The following PLD5 variants were observed in gnomAD, a reference collection of about 807,000 sequenced individuals.
PLD5 encodes phospholipase D family member 5.
PLD5 carries 36 observed loss-of-function variants against 61.1 expected under a neutral mutation model. That is an observed-to-expected ratio of 0.59 (90% CI 0.45 to 0.78). The LOEUF is 0.78. PLD5 is among the 30% of genes least tolerant of loss of function. The pLI is 0.00. For missense variants in PLD5, 515 were observed against 644.4 expected (o/e 0.80, Z 2.17); for synonymous variants, 243 against 242.8 (o/e 1.00, Z -0.01).
intron 3 of PLD5, among the ~76,000 whole-genome samples, chr1:242,267,661 C>G (rs1294106769): frequency 6.6e-6 from 1 of 151,244 alleles, no homozygotes; most frequent in African/African-American, 2.4e-5. Flanking sequence ...GGAAGAATCA[C>G]TTGACCCCAG....
At chr1:242,374,171 A>G (rs766004416) in intron 1 of PLD5, among the ~76,000 whole-genome samples, 1 of 152,148 alleles carries the variant, frequency 6.6e-6, no homozygotes, top group Non-Finnish European at 1.5e-5. Flanking sequence ...TTGCATGTCA[A>G]TTCTTTGTGC....
intron 5 of PLD5, among the ~76,000 whole-genome samples, chr1:242,169,229 A>G (rs552508310): frequency 1.1e-4 from 16 of 152,224 alleles, no homozygotes; most frequent in Admixed American, 4.6e-4. Flanking sequence ...TGCATTTCCA[A>G]CTGAGGTACC....
At chr1:242,161,953 A>T (rs1320399913) in intron 5 of PLD5, among the ~76,000 whole-genome samples, 2 of 152,188 alleles carry the variant, frequency 1.3e-5, no homozygotes, top group East Asian at 3.8e-4. Flanking sequence ...GGAACAACAG[A>T]CACAGCTGTT....
intron 1 of PLD5, among the ~76,000 whole-genome samples, chr1:242,425,063 C>G (rs1030667232): frequency 6.6e-6 from 1 of 152,146 alleles, no homozygotes; most frequent in Non-Finnish European, 1.5e-5. Flanking sequence ...ACCCAGGAGG[C>G]AGAGGTTGCA....
At chr1:242,240,666 C>A (rs410287) in intron 4 of PLD5, among the ~76,000 whole-genome samples, 106,446 of 151,890 alleles carry the variant, frequency 0.7, 37,881 homozygotes, top group African/African-American at 0.82. Flanking sequence ...TTAAGGACAG[C>A]GGGAAAATGT....
At chr1:242,116,649 A>G (rs865990805) in intron 6 of PLD5, among the ~76,000 whole-genome samples, 12 of 151,414 alleles carry the variant, frequency 7.9e-5, no homozygotes, top group Middle Eastern at 3.4e-3. Context: ...TCCCACTTAT[A>G]AGTGAGAACA....
At chr1:242,504,118 C>T (rs1250978955) in intron 1 of PLD5, among the ~76,000 whole-genome samples, 3 of 151,984 alleles carry the variant, frequency 2.0e-5, no homozygotes, top group African/African-American at 7.3e-5. Flanking sequence ...AAAAAATGTA[C>T]CTACCAGAAA....
chr1:242,344,390 G>A (rs1660013494), intron 2 of PLD5, among the ~76,000 whole-genome samples: 1 of 152,106 alleles, frequency 6.6e-6, no homozygotes, highest in Non-Finnish European at 1.5e-5. Flanking sequence ...CTCCCTTGTG[G>A]CAGCAAGCTC....
At chr1:242,246,478 A>AACACACACAC (rs34723926) in intron 4 of PLD5, among the ~76,000 whole-genome samples, 9,298 of 141,076 alleles carry the variant, frequency 0.066, 329 homozygotes, top group Admixed American at 0.082. Context: ...TAGAAAAGAC[A>AACACACACAC]ACACACACAC....
chr1:242,156,652 T>A (rs1415401493), intron 5 of PLD5, among the ~76,000 whole-genome samples: 1 of 152,170 alleles, frequency 6.6e-6, no homozygotes, highest in Non-Finnish European at 1.5e-5. Context: ...TTGAAAATTA[T>A]TTTCTTTAAG....
intron 1 of PLD5, among the ~76,000 whole-genome samples, chr1:242,448,714 C>T (rs1399935864): frequency 1.3e-5 from 2 of 152,168 alleles, no homozygotes; most frequent in African/African-American, 4.8e-5. Flanking sequence ...CTCACGTTTA[C>T]GTTAAGGATC....
intron 5 of PLD5, among the ~76,000 whole-genome samples, chr1:242,195,992 C>T (rs146194696): frequency 3.7e-4 from 56 of 151,858 alleles, no homozygotes; most frequent in African/African-American, 1.2e-3. Context: ...GGGGGATGGA[C>T]GGAAATAAAT....
At chr1:242,409,332 A>T (rs2149286894) in intron 1 of PLD5, among the ~76,000 whole-genome samples, 1 of 152,332 alleles carries the variant, frequency 6.6e-6, no homozygotes, top group East Asian at 1.9e-4. Flanking sequence ...GAACTAGATG[A>T]TTCTTGAAGC....
At chr1:242,502,530 C>T (rs1668586058) in intron 1 of PLD5, among the ~76,000 whole-genome samples, 1 of 152,156 alleles carries the variant, frequency 6.6e-6, no homozygotes, top group Non-Finnish European at 1.5e-5. Context: ...ACATGCAACA[C>T]TGTTAAATAA....
At chr1:242,154,662 G>A (rs1235835194) in intron 5 of PLD5, among the ~76,000 whole-genome samples, 1 of 152,086 alleles carries the variant, frequency 6.6e-6, no homozygotes, top group South Asian at 2.1e-4. Context: ...ATTTGTGTAT[G>A]TTGAACCAGT....
chr1:242,188,658 C>T (rs998849264), intron 5 of PLD5: 2 of 152,198 alleles, frequency 1.3e-5, no homozygotes, highest in Non-Finnish European at 2.9e-5. Flanking sequence ...CTATGGTTCA[C>T]CGTGTAAATA....
intron 1 of PLD5, among the ~76,000 whole-genome samples, chr1:242,473,773 G>T (rs760767764): frequency 1.3e-5 from 2 of 152,128 alleles, no homozygotes; most frequent in Non-Finnish European, 2.9e-5. Context: ...TGCATTAAAA[G>T]AATTTACTGG....
intron 2 of PLD5, among the ~76,000 whole-genome samples, chr1:242,310,032 G>A (rs1676607089): frequency 7.4e-6 from 1 of 135,772 alleles, no homozygotes; most frequent in South Asian, 2.5e-4. Flanking sequence ...AGCTTACTTG[G>A]TTGCAGGATC....
chr1:242,409,345 A>G (rs556060718), intron 1 of PLD5, among the ~76,000 whole-genome samples: 31 of 152,208 alleles, frequency 2.0e-4, no homozygotes, highest in Non-Finnish European at 3.8e-4. Flanking sequence ...CTTGAAGCCC[A>G]TTTAAGAAGA....
Sources: allele counts gnomAD v4.1 joint callset (sites outside exome capture counted in the v4.1 genomes callset), GRCh38; gene constraint gnomAD v4.1.1; transcripts MANE v1.5; gene names NCBI Gene and HGNC (gene_info 2026-07-23, HGNC 2026-07-21).